Variants in BRAP observed in about 807,000 individuals in gnomAD.
The protein encoded by BRAP is BRCA1 associated protein, also known as BRCA1-associated protein.
BRAP carries 42 observed loss-of-function variants against 73.4 expected under a neutral mutation model. The ratio of observed to expected loss-of-function variants is 0.57; its 90% CI spans 0.45 to 0.74. BRAP has a LOEUF of 0.74. Ranked by LOEUF, BRAP falls within the 30% of genes least tolerant of loss-of-function variation. The pLI is 0.00. For missense variants in BRAP, 593 were observed against 751.4 expected (o/e 0.79, Z 2.46); for synonymous variants, 255 against 267.4 (o/e 0.95, Z 0.45).
intron 4 of BRAP, chr12:111,673,322 T>C (rs575432258): frequency 2.0e-5 from 3 of 152,246 alleles, no homozygotes; most frequent in African/African-American, 4.8e-5. Flanking sequence ...CTGACCAACA[T>C]GGAGAAACCC....
intron 5 of BRAP, among the ~76,000 whole-genome samples, chr12:111,669,224 TTCTC>T (rs1223382935): frequency 1.9e-4 from 29 of 151,826 alleles, no homozygotes; most frequent in African/African-American, 3.4e-4. Context: ...AACTATTTGC[TTCTC>T]TCTCTTTTTT....
intron 4 of BRAP, 103 bp from the exon 5 acceptor site, chr12:111,672,877 A>G (rs1887233417): frequency 1.1e-6 from 1 of 900,342 alleles, no homozygotes; most frequent in Non-Finnish European, 1.7e-6. Context: ...TCAGCTTTTA[A>G]AATTTATACT....
chr12:111,654,610 CT>C lies in BRAP; in HGVS notation c.1311+955del, dbSNP rs1188029120. ...GGATTACAGGTGTGAGCCACTACAC[CT>C]GGCCTAAAGCTGATGTTAAGCATTA... On this transcript the variant is annotated intron_variant, in intron 10 of 11. Coordinates refer to ENST00000419234, the MANE Select transcript of BRAP (RefSeq NM_006768.5). 2.6e-5 allele frequency among the ~76,000 whole-genome samples: 4 copies of C among 152,334 alleles called. No individual in the cohort carries two copies. The South Asian group carries it at 8.3e-4, about 32-fold the overall frequency.
chr12:111,663,219 T>A (rs1257450188), intron 6 of BRAP, among the ~76,000 whole-genome samples: 1 of 152,138 alleles, frequency 6.6e-6, no homozygotes, highest in African/African-American at 2.4e-5. Context: ...TCTGGGAGGC[T>A]GAGGTGAGTG....
chr12:111,650,305 G>A (rs1019849358), intron 10 of BRAP, among the ~76,000 whole-genome samples: 36 of 152,024 alleles, frequency 2.4e-4, no homozygotes, highest in East Asian at 7.7e-4. Flanking sequence ...TCGCTCTGTC[G>A]CCCAGGCTGG....
rs1886242871 is a variant in BRAP, at chr12:111,649,584, T to C, written c.1415+355A>G. Among the ~76,000 whole-genome samples the C allele has an allele frequency of 2.6e-5, 4 of 152,232 alleles. No homozygotes were observed. In the South Asian group the frequency reaches 6.2e-4, roughly 24 times the overall value. ...TTAACTCCTGCCCAAGGCCACAGCA[T>C]AGAACATCTCCAGCTTAGACACAGT... On this transcript the variant is annotated intron_variant, in intron 11 of 11. Transcript: ENST00000419234.
chr12:111,651,135 T>G (rs1886304454), intron 10 of BRAP, among the ~76,000 whole-genome samples: 1 of 151,358 alleles, frequency 6.6e-6, no homozygotes, highest in African/African-American at 2.5e-5. Context: ...TGGCTGAGAA[T>G]TTAAGTCATA....
At chr12:111,644,847 C>G (rs1404982041) in intron 11 of BRAP, among the ~76,000 whole-genome samples, 3 of 152,182 alleles carry the variant, frequency 2.0e-5, no homozygotes, top group African/African-American at 7.2e-5. Context: ...ACCTCCACCT[C>G]CTGGGTTCAA....
chr12:111,648,306 C>G (rs1886187811), intron 11 of BRAP, among the ~76,000 whole-genome samples: 1 of 142,094 alleles, frequency 7.0e-6, no homozygotes. Flanking sequence ...GGCGACAGAG[C>G]AAGACTCTCT....
At chr12:111,653,160 C>G (rs1316787004) in intron 10 of BRAP, among the ~76,000 whole-genome samples, 3 of 152,082 alleles carry the variant, frequency 2.0e-5, no homozygotes, top group Non-Finnish European at 2.9e-5. Flanking sequence ...AATGGTGCCA[C>G]TACATTCTAG....
intron 6 of BRAP, among the ~76,000 whole-genome samples, chr12:111,664,638 G>C (rs1164328496): frequency 6.6e-6 from 1 of 152,224 alleles, no homozygotes; most frequent in Non-Finnish European, 1.5e-5. Context: ...TCCCCCACCA[G>C]GTGTGAGAGA....
At chr12:111,679,408 CT>C in intron 3 of BRAP, 68 bp from the exon 4 acceptor site, 2 of 1,112,878 alleles carry the variant, frequency 1.8e-6, no homozygotes, top group Non-Finnish European at 2.4e-6. Context: ...TACTAGACAA[CT>C]TTTATGTCCA....
At chr12:111,660,328 C>A (rs1886698431) in intron 7 of BRAP, among the ~76,000 whole-genome samples, 1 of 151,552 alleles carries the variant, frequency 6.6e-6, no homozygotes. Context: ...TATGTCTTGC[C>A]CAACCCTAGA....
Position 111,685,757 on chromosome 12 carries a change from G to C in BRAP, c.36C>G (p.Leu12=). 6.2e-7 allele frequency: 1 copy of C among 1,610,340 alleles called. No homozygotes were observed. Among genetic ancestry groups the C allele is most frequent in the Non-Finnish European group, 8.5e-7 (1 of 1,178,966 alleles). ...SVSLVVIRLE[L]AEHSPVPAGF... is the part of the protein sequence containing the mutation. Reference sequence around the variant, plus strand: ...CGGCGGGGACAGGCGAGTGTTCCGCGAGCTCCAATCGGATAACAACCAGTG... The same window carrying C: ...CGGCGGGGACAGGCGAGTGTTCCGCCAGCTCCAATCGGATAACAACCAGTG... Residue 12 remains leucine, a synonymous_variant, in exon 1 of 12, where the codon CTC becomes CTG. Coordinates refer to ENST00000419234, the MANE Select transcript of BRAP (RefSeq NM_006768.5).
At chr12:111,681,953 T>G in intron 2 of BRAP, 118 bp from the exon 3 acceptor site, 6 of 913,186 alleles carry the variant, frequency 6.6e-6, no homozygotes. Flanking sequence ...TACAATGTAA[T>G]GCATTAACAG....
intron 2 of BRAP, among the ~76,000 whole-genome samples, chr12:111,682,096 G>C (rs1337059648): frequency 2.6e-5 from 4 of 152,138 alleles, no homozygotes; most frequent in Admixed American, 6.5e-5. Context: ...AATGCAAGCA[G>C]GTATCTTCTA....
At chr12:111,675,048 C>A (rs1011949249) in intron 4 of BRAP, among the ~76,000 whole-genome samples, 1 of 152,066 alleles carries the variant, frequency 6.6e-6, no homozygotes, top group Non-Finnish European at 1.5e-5. Flanking sequence ...GCTACCTGAG[C>A]CCAGGAGTTT....
intron 2 of BRAP, among the ~76,000 whole-genome samples, chr12:111,682,763 T>C (rs1566132456): frequency 6.6e-6 from 1 of 151,750 alleles, no homozygotes; most frequent in South Asian, 2.1e-4. Flanking sequence ...AATACAAAAA[T>C]TACCCAGGCG....
At chr12:111,668,173 C>G (rs913493827) in intron 5 of BRAP, among the ~76,000 whole-genome samples, 1 of 152,180 alleles carries the variant, frequency 6.6e-6, no homozygotes, top group African/African-American at 2.4e-5. Context: ...CTCCAATGCA[C>G]TCCAGCCTGG....
Sources: gnomAD v4.1 joint callset for allele counts (sites outside exome capture counted in the v4.1 genomes callset) on GRCh38, gnomAD v4.1.1 for gene constraint, MANE v1.5 for transcripts, NCBI Gene and HGNC (gene_info 2026-07-23, HGNC 2026-07-21) for gene names.